Variants in PHF21B observed in about 807,000 individuals in gnomAD.
PHF21B encodes PHD finger protein 21B.
Under a neutral mutation model 62.2 loss-of-function variants are expected in PHF21B, and 22 were observed. The ratio of observed to expected loss-of-function variants is 0.35; its 90% CI spans 0.25 to 0.51. PHF21B has a LOEUF of 0.51. Among genes scored for constraint, PHF21B ranks in the 20% least tolerant of loss-of-function variants. The pLI is 0.97. For synonymous variants in PHF21B, 341 were observed against 314.7 expected, an observed-to-expected ratio of 1.08 and a Z score of -0.88; for missense variants, 701 against 707.9, an observed-to-expected ratio of 0.99 and a Z score of 0.11.
At chr22:44,899,203 T>G (rs1262021483) in intron 5 of PHF21B, among the ~76,000 whole-genome samples, 1 of 152,176 alleles carries the variant, frequency 6.6e-6, no homozygotes, top group African/African-American at 2.4e-5. Flanking sequence ...GTTAAAATTA[T>G]AAATTAACTT....
intron 8 of PHF21B, among the ~76,000 whole-genome samples, chr22:44,891,025 C>G (rs1439081914): frequency 6.6e-6 from 1 of 152,226 alleles, no homozygotes; most frequent in Admixed American, 6.5e-5. Context: ...GCAGCAGCAC[C>G]TGGGCTGGGT....
chr22:44,969,704 G>C (rs1362065162), intron 2 of PHF21B, among the ~76,000 whole-genome samples: 1 of 152,144 alleles, frequency 6.6e-6, no homozygotes, highest in Non-Finnish European at 1.5e-5. Context: ...GGAGCCATTT[G>C]AGGATTGCAG....
rs56878868 is a variant in PHF21B at position 44,896,880 on chromosome 22, G to GT, written c.832-798dup. ...AACAGGGTGGCACTTAGTTTTATCT[G>GT]TTTTTTTTTTTTTTTTGAGACAGGT... On this transcript the variant is annotated intron_variant, in intron 5 of 12. Coordinates refer to ENST00000313237, the MANE Select transcript of PHF21B (RefSeq NM_138415.5). Among the ~76,000 whole-genome samples the GT allele has an allele frequency of 1.7e-3, 147 of 84,038 alleles. 6 individuals carry two copies. Among genetic ancestry groups the GT allele is most frequent in the South Asian group, 4.1e-3 (11 of 2,692 alleles). 55.1% of individuals were successfully genotyped at this position (84,038 alleles called of 152,430 possible).
chr22:45,008,352 C>G (rs888935380), intron 2 of PHF21B, 193 bp downstream of exon 2: 1 of 485,162 alleles, frequency 2.1e-6, no homozygotes, highest in African/African-American at 2.0e-5. Flanking sequence ...GGGCCCGGCT[C>G]TCCCTGCCGC....
chr22:44,970,693 G>A (rs906034719), intron 2 of PHF21B, among the ~76,000 whole-genome samples: 1 of 152,178 alleles, frequency 6.6e-6, no homozygotes, highest in Non-Finnish European at 1.5e-5. Flanking sequence ...ATCCAGTCCA[G>A]CCACAGAGAA....
intron 2 of PHF21B, chr22:44,969,202 C>G (rs367998948): frequency 6.6e-6 from 1 of 152,372 alleles, no homozygotes; most frequent in East Asian, 1.9e-4. Flanking sequence ...TTTGCAGGAG[C>G]TCCCTAAAAG....
chr22:44,968,461 T>C (rs1207970899), intron 2 of PHF21B, among the ~76,000 whole-genome samples: 2 of 152,054 alleles, frequency 1.3e-5, no homozygotes, highest in Non-Finnish European at 2.9e-5. Context: ...CTGGCCAACA[T>C]GGCAAAACCC....
chr22:44,906,615 C>T (rs1393536302), intron 5 of PHF21B, among the ~76,000 whole-genome samples: 1 of 152,234 alleles, frequency 6.6e-6, no homozygotes, highest in East Asian at 1.9e-4. Context: ...AGGCTGTAGG[C>T]CCTGGGACAG....
intron 2 of PHF21B, among the ~76,000 whole-genome samples, chr22:44,921,783 C>T (rs147965676): frequency 0.021 from 3,188 of 152,082 alleles, 131 homozygotes; most frequent in African/African-American, 0.073. Flanking sequence ...CTCAGCCTCC[C>T]GAGTAGCTGG....
At chr22:44,992,589 T>C (rs1320515591) in intron 2 of PHF21B, among the ~76,000 whole-genome samples, 2 of 152,244 alleles carry the variant, frequency 1.3e-5, no homozygotes, top group African/African-American at 4.8e-5. Context: ...TCTCTGCGCG[T>C]GCACGTGTGG....
chr22:44,958,989 C>T (rs2072362191), intron 2 of PHF21B, among the ~76,000 whole-genome samples: 1 of 152,046 alleles, frequency 6.6e-6, no homozygotes, highest in Non-Finnish European at 1.5e-5. Context: ...ATGTCTCCTG[C>T]TGGTTCCATG....
chr22:44,934,069 C>G (rs908577778), intron 2 of PHF21B, among the ~76,000 whole-genome samples: 1 of 152,194 alleles, frequency 6.6e-6, no homozygotes, highest in Admixed American at 6.5e-5. Flanking sequence ...CCTTCTTGAC[C>G]TCTGCTTCCT....
intron 2 of PHF21B, among the ~76,000 whole-genome samples, chr22:44,963,909 T>C (rs1240913353): frequency 6.6e-6 from 1 of 152,204 alleles, no homozygotes; most frequent in Non-Finnish European, 1.5e-5. Context: ...ACTCAAATCA[T>C]TGACTTCCCG....
chr22:44,925,107 G>A (rs528228060), intron 2 of PHF21B, among the ~76,000 whole-genome samples: 11 of 152,282 alleles, frequency 7.2e-5, no homozygotes, highest in South Asian at 2.1e-4. Flanking sequence ...GGCAAACAAA[G>A]TGACAGAAAA....
intron 2 of PHF21B, among the ~76,000 whole-genome samples, chr22:44,942,230 G>A (rs1285383454): frequency 6.6e-6 from 1 of 152,196 alleles, no homozygotes; most frequent in African/African-American, 2.4e-5. Context: ...CATACTTGGT[G>A]TGGGGGCCTG....
At chr22:44,996,719 C>A (rs561829426) in intron 2 of PHF21B, among the ~76,000 whole-genome samples, 2 of 151,982 alleles carry the variant, frequency 1.3e-5, no homozygotes, top group Non-Finnish European at 2.9e-5. Flanking sequence ...CAGACATATA[C>A]ACATGCATGC....
rs1350639614 is a variant in PHF21B at position 44,899,282 on chromosome 22, ATTCTT to A, written c.832-3204_832-3200del. On this transcript the variant is annotated intron_variant, in intron 5 of 12. Coordinates refer to ENST00000313237, the MANE Select transcript of PHF21B (RefSeq NM_138415.5). ...ATCTATGACATGCCCCTCTGTTCTT[ATTCTT>A]TTTTTTTTTTTTTTTTTTTTGAGAC... Among the ~76,000 whole-genome samples, 8 of 123,376 alleles carry A rather than the reference ATTCTT, an allele frequency of 6.5e-5. No individual in the cohort carries two copies. In the South Asian group the frequency reaches 1.0e-3, roughly 16 times the overall value. The allele number at this position is 123,376 out of a possible 152,430, so 80.9% of individuals were successfully genotyped here.
At chr22:44,949,301 C>CAAAA (rs1173438062) in intron 2 of PHF21B, among the ~76,000 whole-genome samples, 1 of 42,460 alleles carries the variant, frequency 2.4e-5, no homozygotes, top group Non-Finnish European at 5.1e-5. Context: ...AACTCCATCT[C>CAAAA]AAAAAAAAGA....
At chr22:44,902,722 G>GT (rs980658662) in intron 5 of PHF21B, among the ~76,000 whole-genome samples, 11 of 151,820 alleles carry the variant, frequency 7.2e-5, no homozygotes, top group South Asian at 4.2e-4. Context: ...GTTTCATTAA[G>GT]TTTTTTTTAA....
Sources: gnomAD v4.1 joint callset for allele counts (sites outside exome capture counted in the v4.1 genomes callset) on GRCh38, gnomAD v4.1.1 for gene constraint, MANE v1.5 for transcripts, NCBI Gene and HGNC (gene_info 2026-07-23, HGNC 2026-07-21) for gene names.